NOX4: variants seen among roughly 807,000 people sequenced by gnomAD.
The protein encoded by NOX4 is kidney oxidase-1.
In NOX4, 69 loss-of-function variants were observed where a neutral mutation model predicts 87.6. The ratio of observed to expected loss-of-function variants is 0.79; its 90% CI spans 0.65 to 0.96. The LOEUF (loss-of-function observed/expected upper bound fraction) is 0.96, where lower values mean the gene tolerates loss of function less well. Among genes scored for constraint, NOX4 ranks in the 40% least tolerant of loss-of-function variants. The pLI, the probability that NOX4 is intolerant of heterozygous loss-of-function variation, is 0.00. For missense variants in NOX4, 680 were observed against 681.5 expected (o/e 1.00, Z 0.02); for synonymous variants, 275 against 238.2 (o/e 1.15, Z -1.42).
chr11:89,514,930 A>G, the NOX4 span, among the ~76,000 whole-genome samples: 3 of 151,996 alleles, frequency 2.0e-5, no homozygotes, highest in African/African-American at 7.2e-5. Context: ...GCTCCTGCAT[A>G]TATCAATAGC....
chr11:89,331,606 G>T (rs1686789721), intron 17 of NOX4, among the ~76,000 whole-genome samples: 2 of 151,736 alleles, frequency 1.3e-5, no homozygotes, highest in Non-Finnish European at 2.9e-5. Flanking sequence ...CCATATGATG[G>T]CAATAAGATA....
the NOX4 span, among the ~76,000 whole-genome samples, chr11:89,509,258 C>T: frequency 7.3e-6 from 1 of 136,480 alleles, no homozygotes; most frequent in Non-Finnish European, 1.6e-5. Context: ...ATAATAGTGT[C>T]TCTTAGACAT....
chr11:89,442,319 AGAC>A (rs1365610495), intron 5 of NOX4, among the ~76,000 whole-genome samples: 1 of 152,088 alleles, frequency 6.6e-6, no homozygotes, highest in Admixed American at 6.6e-5. Flanking sequence ...AAACAGGAGA[AGAC>A]TTTTTAAAAA....
At chr11:89,491,050 C>A in intron 1 of NOX4, 140 bp downstream of exon 1, 2 of 840,434 alleles carry the variant, frequency 2.4e-6, no homozygotes, top group Admixed American at 2.4e-5. Flanking sequence ...TTATCTCCAG[C>A]ATAAAGTTTT....
At chr11:89,583,420 C>G in the NOX4 span, among the ~76,000 whole-genome samples, 1 of 152,146 alleles carries the variant, frequency 6.6e-6, no homozygotes, top group East Asian at 1.9e-4. Flanking sequence ...AATCTTATAA[C>G]TCTTTAAAAG....
At chr11:89,572,045 C>T in the NOX4 span, among the ~76,000 whole-genome samples, 2 of 152,190 alleles carry the variant, frequency 1.3e-5, no homozygotes, top group African/African-American at 2.4e-5. Flanking sequence ...CTCCGCCCCC[C>T]TCAAGTAGTC....
At chr11:89,494,692 C>G (rs1946928948), upstream of NOX4, among the ~76,000 whole-genome samples, 1 of 152,206 alleles carries the variant, frequency 6.6e-6, no homozygotes, top group African/African-American at 2.4e-5. Context: ...CTCAGCTTGA[C>G]AATTAATGAC....
the NOX4 span, among the ~76,000 whole-genome samples, chr11:89,558,735 C>T: frequency 5.3e-5 from 8 of 152,120 alleles, no homozygotes; most frequent in South Asian, 1.7e-3. Context: ...GGTAACTATG[C>T]CATAGGCCAG....
intron 11 of NOX4, among the ~76,000 whole-genome samples, chr11:89,381,531 C>T (rs1940283996): frequency 6.6e-6 from 1 of 152,088 alleles, no homozygotes; most frequent in Non-Finnish European, 1.5e-5. Flanking sequence ...TACACAAATC[C>T]TATAAAATGG....
chr11:89,479,802 C>T (rs980256384), intron 2 of NOX4, among the ~76,000 whole-genome samples: 4 of 152,260 alleles, frequency 2.6e-5, no homozygotes, highest in South Asian at 2.1e-4. Flanking sequence ...TCACTAGACA[C>T]TAACTTTTTA....
the NOX4 span, among the ~76,000 whole-genome samples, chr11:89,559,503 C>T: frequency 3.9e-5 from 6 of 152,166 alleles, no homozygotes; most frequent in African/African-American, 1.4e-4. Flanking sequence ...CAATTTCAAA[C>T]TACCAAGGTG....
intron 11 of NOX4, among the ~76,000 whole-genome samples, chr11:89,390,194 A>G (rs1319949854): frequency 6.6e-6 from 1 of 152,216 alleles, no homozygotes; most frequent in East Asian, 1.9e-4. Context: ...GTAAATTAGC[A>G]TAATAGCATA....
intron 7 of NOX4, among the ~76,000 whole-genome samples, chr11:89,426,932 G>C (rs1487973764): frequency 6.6e-6 from 1 of 152,188 alleles, no homozygotes; most frequent in Non-Finnish European, 1.5e-5. Flanking sequence ...TCCTCAAGTA[G>C]GTCCCTGACC....
chr11:89,469,432 T>C (rs1036617480), intron 2 of NOX4, among the ~76,000 whole-genome samples: 1 of 152,216 alleles, frequency 6.6e-6, no homozygotes, highest in African/African-American at 2.4e-5. Flanking sequence ...ATATGTAAAT[T>C]TGTGCTCATT....
the NOX4 span, among the ~76,000 whole-genome samples, chr11:89,579,364 G>T: frequency 6.6e-6 from 1 of 152,106 alleles, no homozygotes; most frequent in African/African-American, 2.4e-5. Context: ...TACCACTCTG[G>T]TGGGGGATGT....
At chr11:89,502,370 T>C (rs1364874201), upstream of NOX4, among the ~76,000 whole-genome samples, 2 of 152,186 alleles carry the variant, frequency 1.3e-5, no homozygotes, top group African/African-American at 2.4e-5. Context: ...CTTTCTAGTC[T>C]TATCGGTTAA....
At chr11:89,404,820 T>A (rs1335011814) in intron 8 of NOX4, among the ~76,000 whole-genome samples, 1 of 152,082 alleles carries the variant, frequency 6.6e-6, no homozygotes, top group East Asian at 1.9e-4. Context: ...TAAGAAAGTA[T>A]CATATCAGTA....
At chr11:89,482,630 T>C in intron 2 of NOX4, among the ~76,000 whole-genome samples, 1 of 152,048 alleles carries the variant, frequency 6.6e-6, no homozygotes, top group East Asian at 1.9e-4. Flanking sequence ...TTCTTTCCTT[T>C]AAACCACCCA....
chr11:89,485,612 A>G (rs1946560551), intron 2 of NOX4, among the ~76,000 whole-genome samples: 1 of 152,218 alleles, frequency 6.6e-6, no homozygotes, highest in African/African-American at 2.4e-5. Context: ...AGAAAAGAAA[A>G]CTACATTTCT....
Sources: allele counts gnomAD v4.1 joint callset (sites outside exome capture counted in the v4.1 genomes callset), GRCh38; gene constraint gnomAD v4.1.1; transcripts MANE v1.5; gene names NCBI Gene and HGNC (gene_info 2026-07-23, HGNC 2026-07-21).